The following SLC30A8 variants were observed in gnomAD, a reference collection of about 807,000 sequenced individuals.
The protein encoded by SLC30A8 is solute carrier family 30 member 8.
Under a neutral mutation model 36.9 loss-of-function variants are expected in SLC30A8, and 27 were observed. That is an observed-to-expected ratio of 0.73 (90% CI 0.54 to 1.01). The LOEUF (loss-of-function observed/expected upper bound fraction) is 1.01. Ranked by LOEUF, SLC30A8 falls within the 50% of genes least tolerant of loss-of-function variation. The pLI, the probability that SLC30A8 is intolerant of heterozygous loss-of-function variation, is 0.00. For synonymous variants in SLC30A8, 164 were observed against 172.4 expected (o/e 0.95, Z 0.38); for missense variants, 439 against 452.0 (o/e 0.97, Z 0.26).
At chr8:117,115,120 T>A (rs115449313) in intron 2 of SLC30A8, among the ~76,000 whole-genome samples, 1,988 of 152,064 alleles carry the variant, frequency 0.013, 44 homozygotes, top group African/African-American at 0.045. Flanking sequence ...TTTTATTTTT[T>A]GTAGAGACAG....
At position 116,988,064 on chromosome 8, in the gene SLC30A8, C is replaced by A. The variant is rs538768771; in HGVS notation, c.-266+36945C>A. On this transcript the variant is annotated intron_variant, in intron 1 of 10. Coordinates refer to the SLC30A8 transcript ENST00000427715. ...ATGCTCTCTTCCCCTCTCTCCTAAA[C>A]TGAGATATCCCCATTTGGCACTTTG... Among the ~76,000 whole-genome samples, 4 of 152,266 alleles carry A rather than the reference C, an allele frequency of 2.6e-5. No individual in the cohort carries two copies. In the South Asian group the frequency reaches 8.3e-4, roughly 32 times the overall value.
intron 1 of SLC30A8, among the ~76,000 whole-genome samples, chr8:117,016,308 G>T (rs560119065): frequency 6.6e-6 from 1 of 152,144 alleles, no homozygotes; most frequent in African/African-American, 2.4e-5. Flanking sequence ...AGTCGATATT[G>T]AATCAAAGAG....
At chr8:117,020,461 T>A (rs927318621) in intron 1 of SLC30A8, among the ~76,000 whole-genome samples, 1 of 152,202 alleles carries the variant, frequency 6.6e-6, no homozygotes, top group Non-Finnish European at 1.5e-5. Flanking sequence ...TGGAAAGTAA[T>A]CTGGTACTAA....
At chr8:117,132,441 G>A (rs1174749178), upstream of SLC30A8, among the ~76,000 whole-genome samples, 2 of 151,998 alleles carry the variant, frequency 1.3e-5, no homozygotes, top group Admixed American at 6.6e-5. Flanking sequence ...TATAGATTGT[G>A]TGTTTCCCAT....
chr8:116,993,451 A>G (rs1006012533), intron 1 of SLC30A8, among the ~76,000 whole-genome samples: 3 of 152,228 alleles, frequency 2.0e-5, no homozygotes, highest in African/African-American at 4.8e-5. Context: ...AATTCAAAGC[A>G]TCTACAATGT....
chr8:117,046,191 C>T (rs1471699456), intron 2 of SLC30A8, among the ~76,000 whole-genome samples: 1 of 152,178 alleles, frequency 6.6e-6, no homozygotes, highest in African/African-American at 2.4e-5. Context: ...AAGTTTAAAC[C>T]TAAGCCTGGC....
intron 2 of SLC30A8, among the ~76,000 whole-genome samples, chr8:117,053,799 G>T (rs570379591): frequency 6.6e-6 from 1 of 152,268 alleles, no homozygotes; most frequent in South Asian, 2.1e-4. Flanking sequence ...CTGCAGGCAG[G>T]GATTTTTAGG....
At position 116,969,957 on chromosome 8, in the gene SLC30A8, A is replaced by C. The variant is rs1473767223; in HGVS notation, c.-266+18838A>C. ...TTAGGCTACACTAAATATAGAAAAA[A>C]ATTTCTTTCTTTGATACTAAATTAA... is the stretch of plus-strand genomic sequence containing the variant. On this transcript the variant is annotated intron_variant, in intron 1 of 10. Transcript: ENST00000427715. Among the ~76,000 whole-genome samples, 13 of 152,144 alleles carry C rather than the reference A, an allele frequency of 8.5e-5. No individual in the cohort carries two copies. The East Asian group carries it at 2.3e-3, about 27-fold the overall frequency.
chr8:117,065,655 G>T (rs945822485), intron 2 of SLC30A8, among the ~76,000 whole-genome samples: 2 of 152,018 alleles, frequency 1.3e-5, no homozygotes, highest in African/African-American at 4.8e-5. Context: ...CAGCCATTTT[G>T]TTTTTTGTGT....
Position 117,175,514 on chromosome 8 carries a change from G to A in SLC30A8, c.*2833G>A, listed in dbSNP as rs1823636054. On this transcript the variant is annotated 3_prime_UTR_variant, in exon 8 of 8. Transcript: ENST00000456015. ...CTAGATTGTCTGAGTTTGAATCTTAGCTCTTCCCTTTATTAGCTCTGTGAC... is the reference window on the plus strand; with the variant it reads ...CTAGATTGTCTGAGTTTGAATCTTAACTCTTCCCTTTATTAGCTCTGTGAC... 1 of 152,034 alleles carries A rather than the reference G, an allele frequency of 6.6e-6. No homozygotes were observed. Among genetic ancestry groups the A allele is most frequent in the East Asian group, 1.9e-4 (1 of 5,170 alleles). 9.4% of individuals were successfully genotyped at this position (152,034 alleles called of 1,614,324 possible). A position where few individuals can be genotyped will look rare whatever the true frequency, so the allele number is the denominator to read the frequency against.
chr8:117,042,268 A>C (rs1817409788), intron 2 of SLC30A8, among the ~76,000 whole-genome samples: 1 of 152,240 alleles, frequency 6.6e-6, no homozygotes, highest in Non-Finnish European at 1.5e-5. Flanking sequence ...TAACCATATC[A>C]GTCATCTTTC....
At chr8:117,048,209 A>G (rs1817610955) in intron 2 of SLC30A8, among the ~76,000 whole-genome samples, 1 of 152,150 alleles carries the variant, frequency 6.6e-6, no homozygotes, top group African/African-American at 2.4e-5. Context: ...TTCTGGTAAC[A>G]ATTTGACTTT....
At chr8:117,011,638 G>T (rs1816347173) in intron 1 of SLC30A8, among the ~76,000 whole-genome samples, 1 of 152,172 alleles carries the variant, frequency 6.6e-6, no homozygotes. Flanking sequence ...CTTGGGCACT[G>T]CCAAAAATAT....
chr8:117,043,325 CA>C (rs1329981150), intron 2 of SLC30A8, among the ~76,000 whole-genome samples: 1 of 152,188 alleles, frequency 6.6e-6, no homozygotes, highest in African/African-American at 2.4e-5. Context: ...AGGAAATCAG[CA>C]TGGGCTTCGT....
intron 1 of SLC30A8, among the ~76,000 whole-genome samples, chr8:116,975,824 T>C (rs1006656787): frequency 2.0e-5 from 3 of 152,244 alleles, no homozygotes; most frequent in Non-Finnish European, 4.4e-5. Context: ...GCTCTATCTT[T>C]ACCTGGAATA....
intron 2 of SLC30A8, among the ~76,000 whole-genome samples, chr8:117,066,345 C>T (rs1818169142): frequency 6.6e-6 from 1 of 152,186 alleles, no homozygotes; most frequent in Admixed American, 6.5e-5. Flanking sequence ...TTCCTAGTAA[C>T]TTGTTCAGAG....
At chr8:117,052,996 T>C (rs1295075743) in intron 2 of SLC30A8, among the ~76,000 whole-genome samples, 1 of 151,768 alleles carries the variant, frequency 6.6e-6, no homozygotes, top group Non-Finnish European at 1.5e-5. Context: ...AACCTCCGCC[T>C]CCCAGGTTCA....
chr8:116,975,203 TCTTTTC>T (rs1814947423), intron 1 of SLC30A8, among the ~76,000 whole-genome samples: 1 of 152,022 alleles, frequency 6.6e-6, no homozygotes, highest in South Asian at 2.1e-4. Flanking sequence ...AAAGATAAGC[TCTTTTC>T]CTTATGGATA....
At chr8:116,981,663 T>C (rs970581750) in intron 1 of SLC30A8, among the ~76,000 whole-genome samples, 1 of 152,144 alleles carries the variant, frequency 6.6e-6, no homozygotes, top group Non-Finnish European at 1.5e-5. Context: ...TGAGAACATG[T>C]GGTATTTGAC....
Sources: allele counts gnomAD v4.1 joint callset (sites outside exome capture counted in the v4.1 genomes callset), GRCh38; gene constraint gnomAD v4.1.1; transcripts MANE v1.5; gene names NCBI Gene and HGNC (gene_info 2026-07-23, HGNC 2026-07-21).